The following TCF12 variants were observed in gnomAD, a reference collection of about 807,000 sequenced individuals.
The protein encoded by TCF12 is DNA-binding protein HTF4.
In TCF12, 45 loss-of-function variants were observed where a neutral mutation model predicts 86.0. The ratio of observed to expected loss-of-function variants is 0.52; its 90% CI spans 0.41 to 0.67. TCF12 has a LOEUF of 0.67. Among genes scored for constraint, TCF12 ranks in the 30% least tolerant of loss-of-function variants. The probability of loss-of-function intolerance (pLI) is 0.00; values close to 1 mark genes in which losing one functional copy is unlikely to be tolerated. For missense variants in TCF12, 881 were observed against 859.9 expected (o/e 1.02, Z -0.31); for synonymous variants, 330 against 299.6 (o/e 1.10, Z -1.05).
At chr15:57,147,494 A>G (rs1301798014) in intron 5 of TCF12, among the ~76,000 whole-genome samples, 1 of 152,018 alleles carries the variant, frequency 6.6e-6, no homozygotes, top group Non-Finnish European at 1.5e-5. Context: ...AGCATTTTAT[A>G]CTTTTTTTAA....
chr15:57,241,985 C>G (rs912206217), intron 12 of TCF12, among the ~76,000 whole-genome samples: 1 of 151,680 alleles, frequency 6.6e-6, no homozygotes, highest in Non-Finnish European at 1.5e-5. Flanking sequence ...GAGTAAGACT[C>G]CATCTCAGGG....
chr15:57,247,576 C>A (rs2059921673), intron 13 of TCF12: 3 of 871,724 alleles, frequency 3.4e-6, no homozygotes, highest in Non-Finnish European at 5.8e-6. Context: ...GCCTGTCTTC[C>A]ATAACTTCTG....
chr15:57,052,117 G>T (rs1257933030), intron 3 of TCF12, among the ~76,000 whole-genome samples: 1 of 152,158 alleles, frequency 6.6e-6, no homozygotes, highest in Non-Finnish European at 1.5e-5. Context: ...AAATCTACAT[G>T]ACATTAATTT....
chr15:57,016,986 C>G (rs1405224490), intron 3 of TCF12, among the ~76,000 whole-genome samples: 1 of 152,148 alleles, frequency 6.6e-6, no homozygotes. Context: ...GTGTTGCTGT[C>G]ATGACAGTGG....
intron 4 of TCF12, among the ~76,000 whole-genome samples, chr15:57,067,015 G>A (rs548074520): frequency 1.5e-4 from 23 of 152,204 alleles, no homozygotes; most frequent in African/African-American, 5.5e-4. Flanking sequence ...TGTATTAAGC[G>A]GTCACAAACT....
At chr15:56,933,785 C>T (rs1268688882) in intron 3 of TCF12, among the ~76,000 whole-genome samples, 2 of 151,950 alleles carry the variant, frequency 1.3e-5, no homozygotes, top group African/African-American at 4.8e-5. Flanking sequence ...AGGGAATCTT[C>T]ATATAAAACT....
In TCF12 at chr15:57,181,527, A is replaced by C. The variant is rs1440466704; in HGVS notation, c.391-10631A>C. Among the ~76,000 whole-genome samples the C allele has an allele frequency of 2.0e-5, 3 of 147,400 alleles. No homozygotes were observed. In the Admixed American group the frequency reaches 2.0e-4, roughly 10 times the overall value. On this transcript the variant is annotated intron_variant, in intron 6 of 20. Transcript: ENST00000333725. ...CAAAATCATATTTAGAGTACCTTCT[A>C]ATATAATTAACAAGAGTTCCCATTA...
chr15:57,169,595 A>G (rs746105382), intron 6 of TCF12, among the ~76,000 whole-genome samples: 4 of 152,216 alleles, frequency 2.6e-5, no homozygotes, highest in Non-Finnish European at 4.4e-5. Context: ...TGTAATCCAC[A>G]TAACAAAAGA....
intron 5 of TCF12, among the ~76,000 whole-genome samples, chr15:57,151,381 A>G (rs147894396): frequency 6.7e-6 from 1 of 148,372 alleles, no homozygotes; most frequent in African/African-American, 2.5e-5. Flanking sequence ...AAGAAAAAAA[A>G]TCAGTGAATT....
intron 3 of TCF12, among the ~76,000 whole-genome samples, chr15:57,060,511 T>C (rs1397111796): frequency 6.6e-6 from 1 of 152,198 alleles, no homozygotes; most frequent in African/African-American, 2.4e-5. Context: ...TATTAGAAAG[T>C]CAAATAAGGC....
intron 3 of TCF12, among the ~76,000 whole-genome samples, chr15:56,990,465 A>G (rs553598830): frequency 1.3e-5 from 2 of 152,228 alleles, no homozygotes; most frequent in East Asian, 1.9e-4. Context: ...AGAAAGCTCC[A>G]TCATAAGGTG....
chr15:57,046,218 A>G (rs928882633), intron 3 of TCF12, among the ~76,000 whole-genome samples: 1 of 152,204 alleles, frequency 6.6e-6, no homozygotes, highest in African/African-American at 2.4e-5. Context: ...GCAGACTTAG[A>G]TAGGGTCATC....
intron 12 of TCF12, among the ~76,000 whole-genome samples, chr15:57,242,805 T>TA (rs2059692584): frequency 2.0e-5 from 3 of 152,364 alleles, no homozygotes; most frequent in Admixed American, 1.3e-4. Context: ...TCCGATAATT[T>TA]ATCCTTTTCA....
intron 19 of TCF12, among the ~76,000 whole-genome samples, chr15:57,277,359 A>C (rs936416992): frequency 6.6e-6 from 1 of 151,956 alleles, no homozygotes; most frequent in Non-Finnish European, 1.5e-5. Context: ...AGCCGGGTGC[A>C]GTGGCTCACA....
At chr15:57,254,350 C>T (rs1293499918) in intron 16 of TCF12, among the ~76,000 whole-genome samples, 2 of 152,152 alleles carry the variant, frequency 1.3e-5, no homozygotes, top group Non-Finnish European at 2.9e-5. Context: ...ACATATCTTA[C>T]ACATACATAC....
intron 5 of TCF12, among the ~76,000 whole-genome samples, chr15:57,121,607 G>A (rs922071743): frequency 2.0e-5 from 3 of 152,152 alleles, no homozygotes; most frequent in African/African-American, 7.2e-5. Context: ...TCTGCCATTT[G>A]AAGATACAGT....
rs574386390 is a variant in TCF12, at chr15:56,980,804, T to A, written c.148+59706T>A. Reference sequence around the variant, plus strand: ...ATGTTTGGCTGTTTACTCATGTGGCTCTCTTCTCTCAGATTTGTGCTTTCC... The same window carrying A: ...ATGTTTGGCTGTTTACTCATGTGGCACTCTTCTCTCAGATTTGTGCTTTCC... On this transcript the variant is annotated intron_variant, in intron 3 of 20. Coordinates refer to ENST00000333725, the MANE Select transcript of TCF12 (RefSeq NM_207037.2). 1.2e-4 allele frequency among the ~76,000 whole-genome samples: 18 copies of A among 152,332 alleles called. No homozygotes were observed. In the South Asian group the frequency reaches 2.3e-3, roughly 19 times the overall value.
intron 3 of TCF12, among the ~76,000 whole-genome samples, chr15:57,036,316 T>C (rs1009024571): frequency 6.6e-6 from 1 of 152,172 alleles, no homozygotes; most frequent in East Asian, 1.9e-4. Context: ...GGAGAAGAGA[T>C]ATTTTAAAGG....
At chr15:57,199,474 T>A (rs1392432310) in intron 8 of TCF12, among the ~76,000 whole-genome samples, 2 of 152,208 alleles carry the variant, frequency 1.3e-5, no homozygotes, top group African/African-American at 4.8e-5. Flanking sequence ...GAAAAATTCA[T>A]CTCATTTCTT....
Sources: allele counts gnomAD v4.1 joint callset (sites outside exome capture counted in the v4.1 genomes callset), GRCh38; gene constraint gnomAD v4.1.1; transcripts MANE v1.5; gene names NCBI Gene and HGNC (gene_info 2026-07-23, HGNC 2026-07-21).